Variants in USP54 observed in about 807,000 individuals in gnomAD.
USP54 encodes ubiquitin carboxyl-terminal hydrolase 54.
In USP54, 87 loss-of-function variants were observed where a neutral mutation model predicts 170.5. The ratio of observed to expected loss-of-function variants is 0.51; its 90% CI spans 0.43 to 0.61. The LOEUF (loss-of-function observed/expected upper bound fraction) is 0.61. Among genes scored for constraint, USP54 ranks in the 20% least tolerant of loss-of-function variants. The probability of loss-of-function intolerance (pLI) is 0.00; values close to 1 mark genes in which losing one functional copy is unlikely to be tolerated. For synonymous variants in USP54, 655 were observed against 742.8 expected, an observed-to-expected ratio of 0.88 and a Z score of 1.92; for missense variants, 1,786 against 2,047.8, an observed-to-expected ratio of 0.87 and a Z score of 2.47.
chr10:73,541,267 TATA>T, intron 9 of USP54, 105 bp downstream of exon 9: 24 of 1,487,918 alleles, frequency 1.6e-5, no homozygotes, highest in Non-Finnish European at 2.1e-5. Flanking sequence ...TCCAAAACAT[TATA>T]ATACTTGTCA....
At chr10:73,621,616 A>C (rs967718473) in intron 1 of USP54, among the ~76,000 whole-genome samples, 40 of 151,922 alleles carry the variant, frequency 2.6e-4, no homozygotes, top group African/African-American at 8.7e-4. Flanking sequence ...AAAAAAAAAA[A>C]AAACTACTGT....
chr10:73,538,191 C>G (rs2065710498), intron 10 of USP54: 1 of 149,422 alleles, frequency 6.7e-6, no homozygotes, highest in East Asian at 2.0e-4. Flanking sequence ...GGTGACAGAG[C>G]AAGACCCTAT....
At chr10:73,594,652 G>A (rs1198555065), upstream of USP54, among the ~76,000 whole-genome samples, 1 of 151,946 alleles carries the variant, frequency 6.6e-6, no homozygotes, top group Non-Finnish European at 1.5e-5. Flanking sequence ...ATTGGGGTGG[G>A]GAGGGGTGGG....
upstream of USP54, among the ~76,000 whole-genome samples, chr10:73,594,743 C>T (rs1230820685): frequency 6.6e-6 from 1 of 152,002 alleles, no homozygotes; most frequent in Non-Finnish European, 1.5e-5. Flanking sequence ...AGCTGTTAAA[C>T]TGGAGTTCTA....
intron 1 of USP54, among the ~76,000 whole-genome samples, chr10:73,588,272 T>TA (rs1334113786): frequency 6.6e-6 from 1 of 152,118 alleles, no homozygotes; most frequent in African/African-American, 2.4e-5. Flanking sequence ...CAGGCTGGAG[T>TA]ACAGTGGCGT....
chr10:73,539,630 T>TATTC (rs1260055924), intron 9 of USP54, 37 bp from the exon 10 acceptor site: 2 of 1,555,762 alleles, frequency 1.3e-6, no homozygotes, highest in African/African-American at 2.7e-5. Context: ...CACAGTCACA[T>TATTC]ATTCAACCAT....
intron 20 of USP54, 173 bp from the exon 21 acceptor site, chr10:73,505,599 G>C (rs544110550): frequency 1.8e-6 from 1 of 551,212 alleles, no homozygotes; most frequent in Non-Finnish European, 3.2e-6. Context: ...GGCTGGGCGC[G>C]GTGGCTCACA....
intron 1 of USP54, among the ~76,000 whole-genome samples, chr10:73,609,424 C>G (rs769288464): frequency 6.6e-6 from 1 of 152,146 alleles, no homozygotes; most frequent in South Asian, 2.1e-4. Context: ...ATAAACTTTA[C>G]CATGAGGCTG....
At chr10:73,503,916 A>C (rs963509662) in intron 22 of USP54, among the ~76,000 whole-genome samples, 2 of 152,060 alleles carry the variant, frequency 1.3e-5, no homozygotes, top group African/African-American at 4.8e-5. Flanking sequence ...TATTTTTGCC[A>C]TGTTGGCCAG....
chr10:73,616,288 A>G (rs2132335761), intron 1 of USP54, among the ~76,000 whole-genome samples: 1 of 135,902 alleles, frequency 7.4e-6, no homozygotes, highest in African/African-American at 3.0e-5. Flanking sequence ...CAGTGAGCCG[A>G]GATTGCGCCA....
intron 16 of USP54, among the ~76,000 whole-genome samples, chr10:73,526,364 C>G (rs1233409689): frequency 6.6e-6 from 1 of 152,276 alleles, no homozygotes; most frequent in East Asian, 1.9e-4. Context: ...TCTCCTGCCT[C>G]AGCCTCCCGA....
At chr10:73,571,389 G>A in intron 4 of USP54, 32 bp downstream of exon 4, 1 of 1,583,426 alleles carries the variant, frequency 6.3e-7, no homozygotes. Context: ...CCACCCAATG[G>A]TAGTGAGAAG....
At chr10:73,596,923 A>C (rs2078785520) in intron 1 of USP54, among the ~76,000 whole-genome samples, 1 of 152,194 alleles carries the variant, frequency 6.6e-6, no homozygotes, top group Non-Finnish European at 1.5e-5. Flanking sequence ...TCATACACTA[A>C]AGCTGCTAAG....
At chr10:73,578,338 T>A (rs2076391204) in intron 1 of USP54, among the ~76,000 whole-genome samples, 1 of 152,210 alleles carries the variant, frequency 6.6e-6, no homozygotes, top group Non-Finnish European at 1.5e-5. Context: ...TTACTGAAGA[T>A]ATGTGAGGAG....
intron 20 of USP54, among the ~76,000 whole-genome samples, chr10:73,509,571 C>T (rs1486229823): frequency 1.3e-5 from 2 of 150,984 alleles, no homozygotes; most frequent in Non-Finnish European, 2.9e-5. Context: ...GTTGAGATCA[C>T]GCCATTGTAT....
At chr10:73,614,488 T>A (rs1476217060) in intron 1 of USP54, among the ~76,000 whole-genome samples, 1 of 132,312 alleles carries the variant, frequency 7.6e-6, no homozygotes, top group Non-Finnish European at 1.5e-5. Context: ...TGAACCCCAG[T>A]GGCGGATGTT....
chr10:73,522,390 A>G (rs985868724), intron 17 of USP54, among the ~76,000 whole-genome samples: 1 of 152,238 alleles, frequency 6.6e-6, no homozygotes, highest in Non-Finnish European at 1.5e-5. Context: ...CTAAATTTTA[A>G]TTCTTATCCT....
At chr10:73,518,210 C>T (rs771704367) in intron 19 of USP54, 28 of 985,230 alleles carry the variant, frequency 2.8e-5, no homozygotes, top group Admixed American at 6.2e-5. Flanking sequence ...AGAGGCAGCC[C>T]GGCCAAAGGA....
intron 19 of USP54, chr10:73,519,140 CAAA>C (rs769300590): frequency 5.2e-3 from 350 of 67,554 alleles, no homozygotes; most frequent in African/African-American, 0.015. Context: ...ATCCTGTCTC[CAAA>C]AAAAAAAAAA....
Sources: gnomAD v4.1 joint callset for allele counts (sites outside exome capture counted in the v4.1 genomes callset) on GRCh38, gnomAD v4.1.1 for gene constraint, MANE v1.5 for transcripts, NCBI Gene and HGNC (gene_info 2026-07-23, HGNC 2026-07-21) for gene names.